The following IFT46 variants were observed in gnomAD, a reference collection of about 807,000 sequenced individuals.
IFT46 encodes intraflagellar transport protein 46 homolog.
Under a neutral mutation model 39.6 loss-of-function variants are expected in IFT46, and 19 were observed. The ratio of observed to expected loss-of-function variants is 0.48; its 90% CI spans 0.33 to 0.70. IFT46 has a LOEUF of 0.70. Among genes scored for constraint, IFT46 ranks in the 30% least tolerant of loss-of-function variants. The pLI, the probability that IFT46 is intolerant of heterozygous loss-of-function variation, is 0.01. For synonymous variants in IFT46, 117 were observed against 134.8 expected (o/e 0.87, Z 0.91); for missense variants, 334 against 364.8 (o/e 0.92, Z 0.69).
At chr11:118,552,133 G>C in intron 8 of IFT46, 81 bp downstream of exon 8, 1 of 1,530,128 alleles carries the variant, frequency 6.5e-7, no homozygotes, top group African/African-American at 1.4e-5. Context: ...CCCAGCCTCT[G>C]GGCCTCTTCT....
chr11:118,560,891 C>T (rs1397415243), intron 2 of IFT46: 11 of 805,340 alleles, frequency 1.4e-5, no homozygotes, highest in African/African-American at 5.0e-5. Context: ...TGCTTATGCC[C>T]GTATAGAGGG....
chr11:118,566,016 G>T (rs1301553008), upstream of IFT46: 1 of 152,202 alleles, frequency 6.6e-6, no homozygotes, highest in Non-Finnish European at 1.5e-5. Context: ...CTCCACGCAG[G>T]AAGAAGATCA....
chr11:118,564,338 C>T (rs537813629), intron 2 of IFT46, among the ~76,000 whole-genome samples: 7 of 152,186 alleles, frequency 4.6e-5, no homozygotes, highest in South Asian at 2.1e-4. Flanking sequence ...TTACCAGCAT[C>T]GGGATGGCAG....
rs1211016864 is a variant in IFT46, at chr11:118,559,837, T to C, written c.-8A>G. 1.9e-6 allele frequency: 3 copies of C among 1,612,372 alleles called. No individual in the cohort carries two copies. The Admixed American group carries it at 5.0e-5, about 27-fold the overall frequency. On this transcript the variant is annotated 5_prime_UTR_variant, in exon 3 of 12. Transcript: ENST00000264021. ...ACTGCTGTTATCAGCCATAGCCTTG[T>C]TAGGAAGATGGGCAGAACGAGGAAG...
At chr11:118,545,727 G>T (rs368937041) in intron 10 of IFT46, 66 bp downstream of exon 10, 319 of 1,498,284 alleles carry the variant, frequency 2.1e-4, no homozygotes, top group Non-Finnish European at 4.2e-5. Flanking sequence ...GAGTAAACAA[G>T]CCTGTCCAAA....
intron 7 of IFT46, among the ~76,000 whole-genome samples, chr11:118,554,145 G>A (rs1454324545): frequency 4.6e-5 from 7 of 151,518 alleles, no homozygotes; most frequent in Admixed American, 3.9e-4. Context: ...CCGCCTCCCG[G>A]GTTCACACCA....
At chr11:118,554,628 T>A in intron 6 of IFT46, 41 bp from the exon 7 acceptor site, 2 of 1,560,530 alleles carry the variant, frequency 1.3e-6, no homozygotes, top group Non-Finnish European at 1.7e-6. Context: ...GGAAAATGTT[T>A]CCAATAAGTT....
intron 4 of IFT46, among the ~76,000 whole-genome samples, chr11:118,556,570 ATCC>A (rs1555069527): frequency 6.6e-6 from 1 of 152,054 alleles, no homozygotes; most frequent in African/African-American, 2.4e-5. Context: ...GCCTTAAGCA[ATCC>A]TCCTACCTCA....
rs1555070455 is a variant in IFT46, at chr11:118,560,779, C to T, written c.-35-915G>A. The T allele has an allele frequency of 7.0e-6, 5 of 716,630 alleles. No individual in the cohort carries two copies. The African/African-American group carries it at 8.7e-5, about 12-fold the overall frequency. 44.4% of individuals were successfully genotyped at this position (716,630 alleles called of 1,614,324 possible). A position where few individuals can be genotyped will look rare whatever the true frequency, so the allele number is the denominator to read the frequency against. The stretch of plus-strand genomic sequence containing the variant: ...GACGACGAGAGGGTAAAACTGGTTA[C>T]TATCCTCAGAAATGCTTGGTGATAC... On this transcript the variant is annotated intron_variant, in intron 2 of 11. Coordinates refer to ENST00000264021, the MANE Select transcript of IFT46 (RefSeq NM_001168618.2).
intron 1 of IFT46, chr11:118,572,355 C>CCCCCCCCCCCCCCCCCT: frequency 6.8e-6 from 1 of 147,560 alleles, no homozygotes; most frequent in South Asian, 2.2e-4. Context: ...CCCGCCCCCC[C>CCCCCCCCCCCCCCCCCT]CCCCGCCCTT....
At chr11:118,572,537 C>G (rs782079898) in intron 1 of IFT46, 9 of 1,611,500 alleles carry the variant, frequency 5.6e-6, no homozygotes, top group Non-Finnish European at 7.6e-6. Flanking sequence ...CGCCCCACCA[C>G]CGCCCTCACC....
intron 1 of IFT46, among the ~76,000 whole-genome samples, chr11:118,571,218 C>T (rs1591376088): frequency 6.6e-6 from 1 of 152,120 alleles, no homozygotes; most frequent in East Asian, 1.9e-4. Context: ...CCCATTGTAT[C>T]CGTCTTTTTT....
intron 7 of IFT46, among the ~76,000 whole-genome samples, chr11:118,553,512 T>C (rs973762392): frequency 1.3e-5 from 2 of 151,694 alleles, no homozygotes; most frequent in Non-Finnish European, 2.9e-5. Context: ...ACAAAAAGTA[T>C]TGATGAGGAT....
In IFT46 at chr11:118,545,810, T is replaced by A. The variant is rs1555066960; in HGVS notation, c.716A>T (p.Tyr239Phe). Residue 239 changes from tyrosine (Y) to phenylalanine (F), a missense_variant, in exon 10 of 12, where the codon TAC becomes TTC. Coordinates refer to ENST00000264021, the MANE Select transcript of IFT46 (RefSeq NM_001168618.2). ...TAEIDCSLAE[Y>F]IDMICAILDI... is the part of the protein sequence containing the mutation. ...GAACTCACCACAGATCATGTCAATG[T>A]ACTCTGCCAGGCTGCAATCAATCTC... The A allele has an allele frequency of 1.9e-6, 3 of 1,614,166 alleles. No individual in the cohort carries two copies. Among genetic ancestry groups the A allele is most frequent in the Non-Finnish European group, 8.5e-7 (1 of 1,180,012 alleles).
upstream of IFT46, among the ~76,000 whole-genome samples, chr11:118,568,352 C>A (rs1938271041): frequency 6.6e-6 from 1 of 152,028 alleles, no homozygotes; most frequent in Non-Finnish European, 1.5e-5. Flanking sequence ...GAGTTCAAGA[C>A]CAGCCTGTCC....
chr11:118,546,772 G>T (rs1163133827), intron 9 of IFT46: 6 of 152,758 alleles, frequency 3.9e-5, no homozygotes, highest in African/African-American at 1.4e-4. Flanking sequence ...TTATGGGCAA[G>T]TATTAACAGT....
At chr11:118,559,653 C>T in intron 3 of IFT46, 132 bp downstream of exon 3, 1 of 728,044 alleles carries the variant, frequency 1.4e-6, no homozygotes, top group Non-Finnish European at 2.4e-6. Flanking sequence ...ACTGATTTTC[C>T]TCCATGAGCT....
chr11:118,567,159 C>T (rs1938245623), upstream of IFT46, among the ~76,000 whole-genome samples: 4 of 152,066 alleles, frequency 2.6e-5, no homozygotes, highest in Admixed American at 2.0e-4. Flanking sequence ...GAGGCTGAGG[C>T]GGGGGGATTG....
chr11:118,576,060 A>G (rs782103924), upstream of IFT46, among the ~76,000 whole-genome samples: 12 of 151,974 alleles, frequency 7.9e-5, no homozygotes, highest in African/African-American at 2.2e-4. Flanking sequence ...TTTCATGTAA[A>G]CTAACCTCCT....
Sources: allele counts gnomAD v4.1 joint callset (sites outside exome capture counted in the v4.1 genomes callset), GRCh38; gene constraint gnomAD v4.1.1; transcripts MANE v1.5; gene names NCBI Gene and HGNC (gene_info 2026-07-23, HGNC 2026-07-21).